KEAP1: variants seen among roughly 807,000 people sequenced by gnomAD.
KEAP1 encodes kelch-like ECH-associated protein 1.
A neutral mutation model predicts 59.7 loss-of-function variants in KEAP1; 26 were observed. That is an observed-to-expected ratio of 0.44 (90% CI 0.32 to 0.60). KEAP1 has a LOEUF of 0.60. Ranked by LOEUF, KEAP1 falls within the 20% of genes least tolerant of loss-of-function variation. The pLI, the probability that KEAP1 is intolerant of heterozygous loss-of-function variation, is 0.06. For missense variants in KEAP1, 539 were observed against 871.4 expected, an observed-to-expected ratio of 0.62 and a Z score of 4.80; for synonymous variants, 350 against 358.3, an observed-to-expected ratio of 0.98 and a Z score of 0.26.
At chr19:10,493,364 G>A (rs575094073) in intron 2 of KEAP1, among the ~76,000 whole-genome samples, 41 of 151,760 alleles carry the variant, frequency 2.7e-4, no homozygotes, top group South Asian at 1.0e-3. Flanking sequence ...GGGTTTCACC[G>A]TGTTAGCCAG....
chr19:10,498,983 C>T (rs1475748883), intron 2 of KEAP1, among the ~76,000 whole-genome samples: 3 of 152,062 alleles, frequency 2.0e-5, no homozygotes, highest in African/African-American at 4.8e-5. Context: ...TACAGGCGCC[C>T]GCCACCAGGC....
At chr19:10,498,199 CT>C (rs35066564) in intron 2 of KEAP1, among the ~76,000 whole-genome samples, 10,506 of 105,986 alleles carry the variant, frequency 0.099, 342 homozygotes, top group African/African-American at 0.15. Flanking sequence ...CGCGCCCAGG[CT>C]TTTTTTTTTT....
At chr19:10,497,531 T>G (rs1347898826) in intron 2 of KEAP1, among the ~76,000 whole-genome samples, 1 of 152,116 alleles carries the variant, frequency 6.6e-6, no homozygotes, top group Non-Finnish European at 1.5e-5. Flanking sequence ...CAGTCAATGA[T>G]GCAAAGGACA....
At chr19:10,489,080 C>T (rs1025651113) in intron 5 of KEAP1, 112 bp downstream of exon 5, 29 of 913,570 alleles carry the variant, frequency 3.2e-5, no homozygotes, top group Non-Finnish European at 3.7e-5. Context: ...GGCAACAGAG[C>T]GAGACCTTGT....
Position 10,486,273 on chromosome 19 carries a change from C to A in KEAP1, c.*379G>T, listed in dbSNP as rs1715913835. 4.0e-6 allele frequency: 1 copy of A among 251,454 alleles called. No homozygotes were observed. Among genetic ancestry groups the A allele is most frequent in the South Asian group, 1.4e-4 (1 of 7,196 alleles). The allele number at this position is 251,454 out of a possible 1,614,324, so 15.6% of individuals were successfully genotyped here. A position where few individuals can be genotyped will look rare whatever the true frequency, so the allele number is the denominator to read the frequency against. ...CTGGGAACCACATTTCCAGAGGGGG[C>A]CTCCCCCTGAGGCCCCCATTGGCCC... On this transcript the variant is annotated 3_prime_UTR_variant, in exon 6 of 6. Transcript: ENST00000171111.
chr19:10,491,500 G>A lies in KEAP1; in HGVS notation c.1325+77C>T. Reference sequence around the variant, plus strand: ...CAGGAAGAGGAAACAGCCTCAGGAAGAATACCCGGATCTCAGTGTCTTGGG... The same window carrying A: ...CAGGAAGAGGAAACAGCCTCAGGAAAAATACCCGGATCTCAGTGTCTTGGG... On this transcript the variant is annotated intron_variant, in intron 3 of 5. Transcript: ENST00000171111. The surrounding 1 kb of genome is among the most constrained non-coding windows in gnomAD (Gnocchi z 5.2). 1 of 1,273,790 alleles carries A rather than the reference G, an allele frequency of 7.9e-7. No individual in the cohort carries two copies. The highest frequency in any genetic ancestry group is 2.6e-5 in the East Asian group (1 of 39,198). The allele number at this position is 1,273,790 out of a possible 1,614,324, so 78.9% of individuals were successfully genotyped here.
intron 2 of KEAP1, among the ~76,000 whole-genome samples, chr19:10,493,715 CCG>C (rs1914758601): frequency 6.6e-6 from 1 of 151,734 alleles, no homozygotes; most frequent in Non-Finnish European, 1.5e-5. Context: ...GGGCCCACCA[CCG>C]TGCCTGGCTA....
intron 5 of KEAP1, 30 bp downstream of exon 5, chr19:10,489,162 C>T (rs958901493): frequency 6.5e-7 from 1 of 1,542,104 alleles, no homozygotes; most frequent in Non-Finnish European, 8.9e-7. Flanking sequence ...ATGGGCTAGT[C>T]AGGACTCTTC....
Position 10,499,808 on chromosome 19 carries a change from G to A in KEAP1, c.226C>T (p.Leu76=), listed in dbSNP as rs2144628940. The change falls in exon 2 of 6, where the codon CTG becomes TTG. Residue 76 remains leucine (L), a synonymous_variant. Coordinates refer to ENST00000171111, the MANE Select transcript of KEAP1 (RefSeq NM_203500.2). The surrounding 1 kb of genome is among the most constrained non-coding windows in gnomAD (Gnocchi z 6.7). ...IMNELRLSQQ[L]CDVTLQVKYQ... is the part of the protein sequence containing the mutation. ...TTGACCTGCAGTGTGACGTCACACAGCTGCTGGCTGAGCCGCAGCTCGTTC... is the reference window on the plus strand; with the variant it reads ...TTGACCTGCAGTGTGACGTCACACAACTGCTGGCTGAGCCGCAGCTCGTTC... 1 of 1,614,092 alleles carries A rather than the reference G, an allele frequency of 6.2e-7. No homozygotes were observed. Among genetic ancestry groups the A allele is most frequent in the Non-Finnish European group, 8.5e-7 (1 of 1,180,044 alleles).
rs2144576812 is a variant in KEAP1 at position 10,486,612 on chromosome 19, C to A, written c.*40G>T. On this transcript the variant is annotated 3_prime_UTR_variant, in exon 6 of 6. Coordinates refer to ENST00000171111, the MANE Select transcript of KEAP1 (RefSeq NM_203500.2). The stretch of plus-strand genomic sequence containing the variant: ...GTTTTTGTACAAAAACAATGATACT[C>A]CCCATTGGACTGTATTTTTGCCCAA... 1.3e-6 allele frequency: 2 copies of A among 1,575,556 alleles called. No individual in the cohort carries two copies. The highest frequency in any genetic ancestry group is 1.1e-5 in the South Asian group (1 of 88,488).
rs1915097413 is a variant in KEAP1 at position 10,502,985 on chromosome 19, G to A, written c.-48+256C>T. On this transcript the variant is annotated intron_variant, in intron 1 of 5. Coordinates refer to ENST00000171111, the MANE Select transcript of KEAP1 (RefSeq NM_203500.2). This position sits in a 1 kb window ranked among gnomAD's most constrained non-coding sequence, Gnocchi z 4.0. ...CGACCCTGAGCGCGCTTAGCCGCGT[G>A]GTCCGAGTCGCGGGGAGTCTGAACC... 2 of 152,016 alleles carry A rather than the reference G, an allele frequency of 1.3e-5. No homozygotes were observed. The highest frequency in any genetic ancestry group is 1.3e-4 in the Admixed American group (2 of 15,278). 9.4% of individuals were successfully genotyped at this position (152,016 alleles called of 1,614,324 possible). A position where few individuals can be genotyped will look rare whatever the true frequency, so the allele number is the denominator to read the frequency against.
In KEAP1 at chr19:10,486,585, C is replaced by T. The variant is rs183808944; in HGVS notation, c.*67G>A. 8.8e-5 allele frequency: 130 copies of T among 1,479,352 alleles called. 2 individuals carry two copies. Among genetic ancestry groups the T allele is most frequent in the East Asian group, 8.7e-4 (38 of 43,530 alleles). 91.6% of individuals were successfully genotyped at this position (1,479,352 alleles called of 1,614,324 possible). A position where few individuals can be genotyped will look rare whatever the true frequency, so the allele number is the denominator to read the frequency against. The stretch of plus-strand genomic sequence containing the variant: ...GCAGTGCTGTCTTTTCTTTTAGTCC[C>T]GGTTTTTGTACAAAAACAATGATAC... On this transcript the variant is annotated 3_prime_UTR_variant, in exon 6 of 6. Transcript: ENST00000171111.
At chr19:10,490,069 T>C (rs1423066620) in intron 3 of KEAP1, among the ~76,000 whole-genome samples, 2 of 151,760 alleles carry the variant, frequency 1.3e-5, no homozygotes, top group East Asian at 1.9e-4. Context: ...CTGGCCAACA[T>C]GGTAAAAACC....
chr19:10,497,958 T>C (rs1002361154), intron 2 of KEAP1, among the ~76,000 whole-genome samples: 2 of 152,076 alleles, frequency 1.3e-5, no homozygotes, highest in African/African-American at 4.8e-5. Flanking sequence ...TGGAGTGCAA[T>C]GGCGCAATCT....
intron 2 of KEAP1, among the ~76,000 whole-genome samples, chr19:10,497,952 G>A (rs1197966110): frequency 6.6e-6 from 1 of 151,978 alleles, no homozygotes; most frequent in Non-Finnish European, 1.5e-5. Flanking sequence ...CCAGGCTGGA[G>A]TGCAATGGCG....
chr19:10,500,076 G>C lies in KEAP1; in HGVS notation c.-43C>G, dbSNP rs551222060. The stretch of plus-strand genomic sequence containing the variant: ...GCAACACCACCACCTCTGGCACTCA[G>C]GGACCTGGAGGGGAGAGAGCACAGG... On this transcript the variant is annotated 5_prime_UTR_variant, in exon 2 of 6. Transcript: ENST00000171111. 158 of 1,514,484 alleles carry C rather than the reference G, an allele frequency of 1.0e-4. No individual in the cohort carries two copies. The highest frequency in any genetic ancestry group is 1.4e-4 in the Non-Finnish European group (156 of 1,132,414). The allele number at this position is 1,514,484 out of a possible 1,614,324, so 93.8% of individuals were successfully genotyped here.
At position 10,486,310 on chromosome 19, in the gene KEAP1, T is replaced by C. The variant is rs1316483088; in HGVS notation, c.*342A>G. The stretch of plus-strand genomic sequence containing the variant: ...GCCCCCATTGGCCCCCTCCCAGGTA[T>C]CCAAGAATAAATCACATGGTGACAG... On this transcript the variant is annotated 3_prime_UTR_variant, in exon 6 of 6. Transcript: ENST00000171111. 1.1e-5 allele frequency: 3 copies of C among 268,312 alleles called. No individual in the cohort carries two copies. Among genetic ancestry groups the C allele is most frequent in the South Asian group, 1.1e-4 (1 of 9,092 alleles). 16.6% of individuals were successfully genotyped at this position (268,312 alleles called of 1,614,324 possible).
intron 5 of KEAP1, among the ~76,000 whole-genome samples, chr19:10,488,157 C>T (rs573453044): frequency 6.6e-6 from 1 of 151,716 alleles, no homozygotes; most frequent in African/African-American, 2.4e-5. Flanking sequence ...CGTGGTGGCA[C>T]GTGCCTGTAT....
rs199953210 is a variant in KEAP1 at position 10,489,216 on chromosome 19, G to A, written c.1684C>T (p.His562Tyr). Residue 562 changes from histidine (H) to tyrosine (Y), a missense_variant, in exon 5 of 6, where the codon CAC becomes TAC. By Grantham distance (83) the His-to-Tyr change is moderately conservative. Transcript: ENST00000171111. ...CCAAGGACGTAGATTCTCCCCTGGT[G>A]GACAGTGATCCCCAGGGCACTTCGC... ...HRRSALGITV[H>Y]QGRIYVLGGY... 3.2e-5 allele frequency: 52 copies of A among 1,612,210 alleles called. No individual in the cohort carries two copies. The highest frequency in any genetic ancestry group is 4.2e-5 in the Non-Finnish European group (50 of 1,179,966).
Sources: allele counts gnomAD v4.1 joint callset (sites outside exome capture counted in the v4.1 genomes callset), GRCh38; gene constraint gnomAD v4.1.1; non-coding constraint Gnocchi (gnomAD v3.1); transcripts MANE v1.5; gene names NCBI Gene and HGNC (gene_info 2026-07-23, HGNC 2026-07-21).